RPS19BP1: variants seen among roughly 807,000 people sequenced by gnomAD.
RPS19BP1 encodes active regulator of SIRT1.
A neutral mutation model predicts 16.6 loss-of-function variants in RPS19BP1; 14 were observed. That is an observed-to-expected ratio of 0.84 (90% CI 0.56 to 1.32). The LOEUF is 1.32. Ranked by LOEUF, RPS19BP1 falls within the 40% of genes most tolerant of loss-of-function variation. RPS19BP1 has a pLI of 0.00. For synonymous variants in RPS19BP1, 90 were observed against 77.3 expected (o/e 1.16, Z -0.86); for missense variants, 188 against 178.6 (o/e 1.05, Z -0.30).
chr22:39,532,175 T>G (rs1931328119), intron 2 of RPS19BP1: 2 of 575,088 alleles, frequency 3.5e-6, no homozygotes, highest in Admixed American at 6.6e-5. Context: ...GGGTTTGATA[T>G]TCTTTGATGC....
chr22:39,530,014 C>T, intron 2 of RPS19BP1, 97 bp from the exon 3 acceptor site: 1 of 959,368 alleles, frequency 1.0e-6, no homozygotes, highest in Non-Finnish European at 1.6e-6. Context: ...CTCATCGTTC[C>T]CTTCCCAGGT....
At position 39,532,734 on chromosome 22, in the gene RPS19BP1, G is replaced by A; in HGVS notation, c.5C>T (p.Ser2Phe). 6.5e-7 allele frequency: 1 copy of A among 1,543,000 alleles called. No homozygotes were observed. Among genetic ancestry groups the A allele is most frequent in the Non-Finnish European group, 8.7e-7 (1 of 1,146,726 alleles). ...CAGGCCCCGCCGCAGCAGGGCGGCG[G>A]ACATGGCGGCGCTTGGCTCCGCCCA... M[S>F]AALLRRGLEL... The change falls in exon 1 of 4, where the codon TCC becomes TTC. Residue 2 changes from serine (S) to phenylalanine (F), a missense_variant. Transcript: ENST00000334678.
intron 3 of RPS19BP1, 85 bp downstream of exon 3, chr22:39,529,735 T>C: frequency 1.3e-6 from 2 of 1,597,766 alleles, no homozygotes; most frequent in Non-Finnish European, 8.6e-7. Flanking sequence ...CACCCTATGC[T>C]CAGGGCTGAG....
chr22:39,529,620 A>C lies in RPS19BP1; in HGVS notation c.283T>G (p.Leu95Val). The C allele has an allele frequency of 1.2e-6, 2 of 1,613,962 alleles. No individual in the cohort carries two copies. The highest frequency in any genetic ancestry group is 1.7e-6 in the Non-Finnish European group (2 of 1,180,012). The change falls in exon 4 of 4, where the codon TTG becomes GTG. Residue 95 changes from leucine to valine, a missense_variant. Transcript: ENST00000334678. Reference protein sequence around the residue: ...TVAESVSQQILRQNRGRKACD... With the variant: ...TVAESVSQQIVRQNRGRKACD... ...GCCTTGCGGCCCCGGTTCTGGCGCAAAATCTGGCGAGGGTGCGGGACCGAG... is the reference window on the plus strand; with the variant it reads ...GCCTTGCGGCCCCGGTTCTGGCGCACAATCTGGCGAGGGTGCGGGACCGAG...
At chr22:39,532,283 GT>G (rs1931331064) in intron 2 of RPS19BP1, 111 bp downstream of exon 2, 7 of 1,488,818 alleles carry the variant, frequency 4.7e-6, no homozygotes, top group Non-Finnish European at 6.4e-6. Flanking sequence ...CTGGCACACA[GT>G]AGGTCTAGCA....
rs1931352498 is a variant in RPS19BP1 at position 39,532,719 on chromosome 22, C to T, written c.20G>A (p.Arg7Gln). The T allele has an allele frequency of 1.3e-6, 2 of 1,544,282 alleles. No individual in the cohort carries two copies. Among genetic ancestry groups the T allele is most frequent in the South Asian group, 1.2e-5 (1 of 84,724 alleles). Residue 7 changes from arginine (R) to glutamine (Q), a missense_variant, in exon 1 of 4, where the codon CGG becomes CAG. Arg to Gln is a conservative substitution (Grantham distance 43). Transcript: ENST00000334678. ...CGCCGCCAGCAGCTCCAGGCCCCGCCGCAGCAGGGCGGCGGACATGGCGGC... is the reference window on the plus strand; with the variant it reads ...CGCCGCCAGCAGCTCCAGGCCCCGCTGCAGCAGGGCGGCGGACATGGCGGC... MSAALL[R>Q]RGLELLAASE...
rs1931254405 is a variant in RPS19BP1, at chr22:39,529,693, G to C, written c.280-70C>G. On this transcript the variant is annotated intron_variant, in intron 3 of 3. Transcript: ENST00000334678. ...GGAGGCCCGCAAAGGTCACAGGGGAGTTCGGCGCAGGGCAGGGCTGGCCCA... is the reference window on the plus strand; with the variant it reads ...GGAGGCCCGCAAAGGTCACAGGGGACTTCGGCGCAGGGCAGGGCTGGCCCA... The C allele has an allele frequency of 8.1e-6, 13 of 1,603,562 alleles. No homozygotes were observed. The East Asian group carries it at 2.9e-4, about 36-fold the overall frequency.
Position 39,529,146 on chromosome 22 carries a change from G to A in RPS19BP1, c.*346C>T. 3.3e-6 allele frequency: 1 copy of A among 302,248 alleles called. No individual in the cohort carries two copies. The highest frequency in any genetic ancestry group is 6.3e-6 in the Non-Finnish European group (1 of 157,494). 18.7% of individuals were successfully genotyped at this position (302,248 alleles called of 1,614,324 possible). On this transcript the variant is annotated 3_prime_UTR_variant, in exon 4 of 4. Transcript: ENST00000334678. ...AAGCCCACCCTTCTTCCTACTCCTG[G>A]AGCTGTCGTCCCCAAGGGCTCAGGA...
At chr22:39,530,759 A>G (rs1931289195) in intron 2 of RPS19BP1, 1 of 155,454 alleles carries the variant, frequency 6.4e-6, no homozygotes, top group Non-Finnish European at 1.4e-5. Context: ...AACAACAACA[A>G]AAACAGCTGG....
intron 2 of RPS19BP1, chr22:39,530,257 G>T: frequency 3.3e-6 from 1 of 304,866 alleles, no homozygotes; most frequent in South Asian, 3.5e-5. Context: ...CAGAAAAGGG[G>T]AATTCCAGGG....
chr22:39,532,723 G>A lies in RPS19BP1; in HGVS notation c.16C>T (p.Leu6=). The A allele has an allele frequency of 1.3e-6, 2 of 1,544,330 alleles. No homozygotes were observed. The highest frequency in any genetic ancestry group is 1.7e-4 in the Middle Eastern group (1 of 5,908). Residue 6 remains leucine (L), a synonymous_variant, in exon 1 of 4, where the codon CTG becomes TTG. Transcript: ENST00000334678. ...GCCAGCAGCTCCAGGCCCCGCCGCAGCAGGGCGGCGGACATGGCGGCGCTT... is the reference window on the plus strand; with the variant it reads ...GCCAGCAGCTCCAGGCCCCGCCGCAACAGGGCGGCGGACATGGCGGCGCTT... MSAAL[L]RRGLELLAAS...
rs116823887 is a variant in RPS19BP1 at position 39,529,801 on chromosome 22, T to C, written c.279+19A>G. The stretch of plus-strand genomic sequence containing the variant: ...GGCTCTCACCTCCCAGGTCCCTTCC[T>C]ATAGTACCCTCGACCAACCTGCTGG... On this transcript the variant is annotated intron_variant, in intron 3 of 3. Transcript: ENST00000334678. 4,497 of 1,612,454 alleles carry C rather than the reference T, an allele frequency of 2.8e-3. 105 individuals are homozygous for C. In the African/African-American group the frequency reaches 0.05, roughly 18 times the overall value.
chr22:39,532,392 T>C lies in RPS19BP1; in HGVS notation c.181+3A>G. On this transcript the variant is annotated splice_donor_region_variant and intron_variant, in intron 2 of 3. Coordinates refer to ENST00000334678, the MANE Select transcript of RPS19BP1 (RefSeq NM_194326.4). ...AGCACTTTCAGCCCCTTCCCGAACT[T>C]ACCCAGTGCCGACTTGGGCACCTTT... 1 of 1,614,140 alleles carries C rather than the reference T, an allele frequency of 6.2e-7. No homozygotes were observed. Among genetic ancestry groups the C allele is most frequent in the Non-Finnish European group, 8.5e-7 (1 of 1,180,002 alleles).
chr22:39,531,138 G>A (rs1337036757), intron 2 of RPS19BP1: 1 of 152,226 alleles, frequency 6.6e-6, no homozygotes, highest in Non-Finnish European at 1.5e-5. Context: ...CCAAGGCTGC[G>A]GACAAGCCCA....
intron 2 of RPS19BP1, chr22:39,530,193 G>A (rs1931271441): frequency 1.6e-5 from 7 of 448,418 alleles, no homozygotes; most frequent in East Asian, 8.0e-5. Flanking sequence ...GAAGGACAAA[G>A]GACCCAGTAT....
rs1931337048 is a variant in RPS19BP1 at position 39,532,410 on chromosome 22, G to A, written c.166C>T (p.Pro56Ser). The part of the protein sequence containing the change: ...KLRNSAKGKV[P>S]KSALDEYRKR... ...CCGAACTTACCCAGTGCCGACTTGG[G>A]CACCTTTCCCTTGGCCGAGTTCCGC... The change falls in exon 2 of 4, where the codon CCC becomes TCC. Residue 56 changes from proline to serine, a missense_variant. Coordinates refer to ENST00000334678, the MANE Select transcript of RPS19BP1 (RefSeq NM_194326.4). 6.2e-7 allele frequency: 1 copy of A among 1,614,220 alleles called. No individual in the cohort carries two copies. The highest frequency in any genetic ancestry group is 8.5e-7 in the Non-Finnish European group (1 of 1,180,032).
Position 39,532,671 on chromosome 22 carries a change from G to C in RPS19BP1, c.52+16C>G. The C allele has an allele frequency of 1.3e-6, 2 of 1,555,362 alleles. No homozygotes were observed. Among genetic ancestry groups the C allele is most frequent in the Non-Finnish European group, 1.7e-6 (2 of 1,153,996 alleles). ...CTCCTGCCCGCGCCGGACGTCCCCT[G>C]GCCAGCCCTCCTCACCCTCGGACGC... On this transcript the variant is annotated intron_variant, in intron 1 of 3. Transcript: ENST00000334678.
In RPS19BP1 at chr22:39,532,701, A is replaced by G. The variant is rs778609791; in HGVS notation, c.38T>C (p.Leu13Pro). The change falls in exon 1 of 4, where the codon CTG (leucine) becomes CCG (proline). Residue 13 changes from leucine (L) to proline (P), a missense_variant. Transcript: ENST00000334678. Reference sequence around the variant, plus strand: ...GCCCTCCTCACCCTCGGACGCCGCCAGCAGCTCCAGGCCCCGCCGCAGCAG... The same window carrying G: ...GCCCTCCTCACCCTCGGACGCCGCCGGCAGCTCCAGGCCCCGCCGCAGCAG... ...AALLRRGLEL[L>P]AASEAPRDPP... 1.8e-5 allele frequency: 28 copies of G among 1,543,758 alleles called. No individual in the cohort carries two copies. The highest frequency in any genetic ancestry group is 2.4e-5 in the Non-Finnish European group (27 of 1,147,576).
At position 39,529,402 on chromosome 22, in the gene RPS19BP1, G is replaced by C. The variant is rs1304928536; in HGVS notation, c.*90C>G. 3 of 1,544,514 alleles carry C rather than the reference G, an allele frequency of 1.9e-6. No individual in the cohort carries two copies. The highest frequency in any genetic ancestry group is 2.7e-5 in the African/African-American group (2 of 73,182). ...CCAGGCTGGTCCTGCATCGCCATCT[G>C]CTGGCCGCGCGGCACGGCCGGTTCC... On this transcript the variant is annotated 3_prime_UTR_variant, in exon 4 of 4. Coordinates refer to ENST00000334678, the MANE Select transcript of RPS19BP1 (RefSeq NM_194326.4).
Sources: gnomAD v4.1 joint callset for allele counts on GRCh38, gnomAD v4.1.1 for gene constraint, MANE v1.5 for transcripts, NCBI Gene and HGNC (gene_info 2026-07-23, HGNC 2026-07-21) for gene names.